Variants in SORCS2 observed in about 807,000 individuals in gnomAD.
The protein encoded by SORCS2 is sortilin related VPS10 domain containing receptor 2.
A neutral mutation model predicts 141.6 loss-of-function variants in SORCS2; 100 were observed. The ratio of observed to expected loss-of-function variants is 0.71; its 90% CI spans 0.60 to 0.83. The LOEUF is 0.83. Among genes scored for constraint, SORCS2 ranks in the 40% least tolerant of loss-of-function variants. The pLI, the probability that SORCS2 is intolerant of heterozygous loss-of-function variation, is 0.00. For synonymous variants in SORCS2, 789 were observed against 676.9 expected (o/e 1.17, Z -2.57); for missense variants, 1,646 against 1,560.2 (o/e 1.05, Z -0.93).
intron 2 of SORCS2, chr4:7,434,709 G>A: frequency 6.2e-7 from 1 of 1,612,998 alleles, no homozygotes; most frequent in Non-Finnish European, 8.5e-7. Context: ...ACTTCGCGGT[G>A]GGTTTGTTCC....
In SORCS2 at chr4:7,609,377, C is replaced by T. The variant is rs111620389; in HGVS notation, c.649-28951C>T. On this transcript the variant is annotated intron_variant, in intron 3 of 26. Transcript: ENST00000507866. ...ATAGCTCCGTGCTTACCTGGAGGCA[C>T]TGCCCTGTGGATCAATGTGGCAGTC... Among the ~76,000 whole-genome samples, 975 of 152,336 alleles carry T rather than the reference C, an allele frequency of 6.4e-3. 16 individuals carry two copies. Among genetic ancestry groups the T allele is most frequent in the African/African-American group, 0.023 (937 of 41,578 alleles).
chr4:7,677,151 C>T (rs1185793451), intron 9 of SORCS2, among the ~76,000 whole-genome samples: 1 of 152,268 alleles, frequency 6.6e-6, no homozygotes, highest in Middle Eastern at 3.4e-3. Context: ...CTCTGGCCTC[C>T]CCTCCTCAGT....
At chr4:7,230,213 G>A (rs535171925) in intron 1 of SORCS2, among the ~76,000 whole-genome samples, 15 of 136,654 alleles carry the variant, frequency 1.1e-4, no homozygotes, top group Non-Finnish European at 1.6e-4. Flanking sequence ...AGTGTCTGGA[G>A]CAGTGTCATG....
At chr4:7,310,953 T>TCGTG (rs1718144612) in intron 1 of SORCS2, among the ~76,000 whole-genome samples, 3 of 152,206 alleles carry the variant, frequency 2.0e-5, no homozygotes, top group African/African-American at 7.2e-5. Flanking sequence ...ATATAATAAA[T>TCGTG]CACGCAGATT....
chr4:7,453,718 C>CTGTGTTGGGGTCAGGAGCTG (rs1560297636), intron 2 of SORCS2, among the ~76,000 whole-genome samples: 6 of 118,134 alleles, frequency 5.1e-5, no homozygotes. Context: ...GGGTCAGGCA[C>CTGTGTTGGGGTCAGGAGCTG]TGTGTTGGGG....
intron 3 of SORCS2, among the ~76,000 whole-genome samples, chr4:7,599,439 G>T (rs1717509850): frequency 6.6e-6 from 1 of 152,224 alleles, no homozygotes; most frequent in South Asian, 2.1e-4. Flanking sequence ...TGGGAGACAG[G>T]TTTAGGAGGT....
chr4:7,396,854 G>A (rs1423710757), intron 2 of SORCS2, among the ~76,000 whole-genome samples: 2 of 152,154 alleles, frequency 1.3e-5, no homozygotes, highest in African/African-American at 2.4e-5. Flanking sequence ...TGTGAATTCA[G>A]TCCAGGAACA....
intron 8 of SORCS2, among the ~76,000 whole-genome samples, chr4:7,674,838 C>T (rs184348924): frequency 6.6e-5 from 10 of 152,026 alleles, no homozygotes; most frequent in East Asian, 3.9e-4. Flanking sequence ...CCTAGGCCCT[C>T]CTATCAGATG....
chr4:7,339,837 A>G (rs534587539), intron 1 of SORCS2, among the ~76,000 whole-genome samples: 43 of 152,318 alleles, frequency 2.8e-4, no homozygotes, highest in African/African-American at 9.6e-4. Flanking sequence ...AAGTCCTGGG[A>G]GGAGTGTCTC....
chr4:7,690,720 G>A (rs1012234280), intron 11 of SORCS2, among the ~76,000 whole-genome samples: 2 of 152,094 alleles, frequency 1.3e-5, no homozygotes, highest in African/African-American at 4.8e-5. Flanking sequence ...TGATAGATGG[G>A]TAGGTGGATC....
At chr4:7,425,753 C>A (rs776319563) in intron 2 of SORCS2, among the ~76,000 whole-genome samples, 1 of 152,202 alleles carries the variant, frequency 6.6e-6, no homozygotes, top group South Asian at 2.1e-4. Flanking sequence ...TTAGGAATTG[C>A]GAGTTCTCAC....
chr4:7,651,042 A>T (rs1721414055), intron 4 of SORCS2, among the ~76,000 whole-genome samples: 2 of 151,846 alleles, frequency 1.3e-5, no homozygotes, highest in African/African-American at 4.9e-5. Flanking sequence ...TCAAAGATGA[A>T]CTGGGGACAT....
At chr4:7,463,039 C>A (rs1372036523) in intron 2 of SORCS2, among the ~76,000 whole-genome samples, 1 of 151,994 alleles carries the variant, frequency 6.6e-6, no homozygotes, top group Non-Finnish European at 1.5e-5. Context: ...AGTGTGACAA[C>A]AGCCCCACAA....
At chr4:7,327,870 G>T (rs931419305) in intron 1 of SORCS2, among the ~76,000 whole-genome samples, 9 of 151,710 alleles carry the variant, frequency 5.9e-5, no homozygotes, top group Non-Finnish European at 1.0e-4. Context: ...GTGCTGTCCT[G>T]GCCAGGGCAT....
chr4:7,408,419 T>TTTCCACTCC (rs1191982365), intron 2 of SORCS2, among the ~76,000 whole-genome samples: 1 of 152,110 alleles, frequency 6.6e-6, no homozygotes, highest in African/African-American at 2.4e-5. Context: ...TGAAAATGTC[T>TTTCCACTCC]TTCCACTCCT....
intron 2 of SORCS2, among the ~76,000 whole-genome samples, chr4:7,526,230 C>T (rs187151659): frequency 1.8e-4 from 28 of 152,394 alleles, no homozygotes; most frequent in African/African-American, 6.7e-4. Context: ...GAGCCCCACA[C>T]CTTCAGAAGA....
intron 3 of SORCS2, among the ~76,000 whole-genome samples, chr4:7,612,530 CAGT>C: frequency 6.6e-6 from 1 of 152,170 alleles, no homozygotes; most frequent in East Asian, 1.9e-4. Context: ...CTGGGGGAAC[CAGT>C]CCCCAGCCCA....
intron 17 of SORCS2, among the ~76,000 whole-genome samples, chr4:7,717,730 CTGT>C (rs1408949371): frequency 6.7e-6 from 1 of 149,898 alleles, no homozygotes; most frequent in Non-Finnish European, 1.5e-5. Flanking sequence ...GTTACTGTTA[CTGT>C]GAGTAATATG....
At chr4:7,554,768 T>C (rs1713980727) in intron 3 of SORCS2, among the ~76,000 whole-genome samples, 1 of 152,090 alleles carries the variant, frequency 6.6e-6, no homozygotes, top group African/African-American at 2.4e-5. Flanking sequence ...AGAAATGCTG[T>C]GTGGGCTGAA....
Sources: allele counts gnomAD v4.1 joint callset (sites outside exome capture counted in the v4.1 genomes callset), GRCh38; gene constraint gnomAD v4.1.1; transcripts MANE v1.5; gene names NCBI Gene and HGNC (gene_info 2026-07-23, HGNC 2026-07-21).